CACNB2: variants seen among roughly 807,000 people sequenced by gnomAD.
The protein encoded by CACNB2 is voltage-dependent L-type calcium channel subunit beta-2.
CACNB2 carries 42 observed loss-of-function variants against 73.3 expected under a neutral mutation model. The observed-to-expected ratio is 0.57, with a 90% CI of 0.45 to 0.74. The LOEUF (loss-of-function observed/expected upper bound fraction) is 0.74, where lower values mean the gene tolerates loss of function less well. Among genes scored for constraint, CACNB2 ranks in the 30% least tolerant of loss-of-function variants. The pLI is 0.00. For missense variants in CACNB2, 940 were observed against 853.0 expected (o/e 1.10, Z -1.27); for synonymous variants, 348 against 310.3 (o/e 1.12, Z -1.28).
intron 2 of CACNB2, among the ~76,000 whole-genome samples, chr10:18,253,782 A>G (rs2037177185): frequency 6.6e-6 from 1 of 152,130 alleles, no homozygotes; most frequent in South Asian, 2.1e-4. Context: ...TCCCCATGTA[A>G]TAATGTTCTA....
At chr10:18,450,197 C>T (rs2046948635) in intron 3 of CACNB2, among the ~76,000 whole-genome samples, 1 of 152,184 alleles carries the variant, frequency 6.6e-6, no homozygotes, top group Non-Finnish European at 1.5e-5. Flanking sequence ...TGTTGTATTT[C>T]TCTTTATGTC....
intron 1 of CACNB2, among the ~76,000 whole-genome samples, chr10:18,147,359 C>T (rs2031088459): frequency 6.6e-6 from 1 of 151,882 alleles, no homozygotes; most frequent in Non-Finnish European, 1.5e-5. Context: ...TGTTTTGGAA[C>T]AACTAAAGGA....
chr10:18,519,342 C>T (rs542828453), intron 9 of CACNB2, among the ~76,000 whole-genome samples: 1 of 152,162 alleles, frequency 6.6e-6, no homozygotes, highest in Non-Finnish European at 1.5e-5. Flanking sequence ...CTCCTTAATC[C>T]TCTGATAACC....
chr10:18,222,703 G>A (rs576884128), intron 2 of CACNB2, among the ~76,000 whole-genome samples: 11 of 152,276 alleles, frequency 7.2e-5, no homozygotes, highest in South Asian at 2.1e-4. Flanking sequence ...TTGGGAGGCC[G>A]AGGTGAGTGG....
intron 10 of CACNB2, among the ~76,000 whole-genome samples, chr10:18,530,632 G>A (rs538017111): frequency 6.6e-6 from 1 of 152,042 alleles, no homozygotes; most frequent in East Asian, 1.9e-4. Context: ...AAAACAGAAT[G>A]GTTGTATGGG....
intron 8 of CACNB2, 97 bp from the exon 9 acceptor site, chr10:18,518,813 T>G (rs780031112): frequency 3.3e-4 from 376 of 1,122,488 alleles, no homozygotes; most frequent in Non-Finnish European, 4.9e-4. Flanking sequence ...GATGCAAAGC[T>G]CAGGTTTTCA....
At chr10:18,335,637 A>G (rs968363828) in intron 2 of CACNB2, among the ~76,000 whole-genome samples, 3 of 152,022 alleles carry the variant, frequency 2.0e-5, no homozygotes, top group African/African-American at 4.8e-5. Flanking sequence ...ATGAACCTCA[A>G]TTATTCTTTT....
chr10:18,501,417 C>T (rs563087637), intron 5 of CACNB2, among the ~76,000 whole-genome samples: 20 of 152,208 alleles, frequency 1.3e-4, no homozygotes, highest in Non-Finnish European at 2.9e-4. Context: ...TTCAGTTCTA[C>T]CCACTGTTAA....
intron 11 of CACNB2, 139 bp from the exon 12 acceptor site, chr10:18,535,962 C>A: frequency 1.6e-6 from 1 of 613,270 alleles, no homozygotes. Flanking sequence ...GTTAATTTTG[C>A]AGATAATCTT....
At chr10:18,456,394 C>T (rs144219604) in intron 3 of CACNB2, among the ~76,000 whole-genome samples, 45 of 152,154 alleles carry the variant, frequency 3.0e-4, no homozygotes, top group Admixed American at 9.8e-4. Context: ...ACCTGGGAGG[C>T]GAAGGGTGCA....
chr10:18,364,084 T>C (rs1184219301), intron 2 of CACNB2, among the ~76,000 whole-genome samples: 1 of 151,744 alleles, frequency 6.6e-6, no homozygotes, highest in Non-Finnish European at 1.5e-5. Flanking sequence ...GTAGTTGGGA[T>C]TACAGGCGCC....
intron 2 of CACNB2, among the ~76,000 whole-genome samples, chr10:18,213,610 C>G (rs903194078): frequency 2.6e-5 from 4 of 152,204 alleles, no homozygotes; most frequent in African/African-American, 9.7e-5. Context: ...TAGTAAAACT[C>G]TCTACTACTA....
chr10:18,469,813 T>C (rs2132740093), intron 3 of CACNB2, among the ~76,000 whole-genome samples: 1 of 152,258 alleles, frequency 6.6e-6, no homozygotes, highest in African/African-American at 2.4e-5. Context: ...AAAATAAATC[T>C]AATGGTTGAT....
At chr10:18,189,699 A>C (rs1335453449) in intron 2 of CACNB2, among the ~76,000 whole-genome samples, 5 of 152,170 alleles carry the variant, frequency 3.3e-5, no homozygotes, top group Non-Finnish European at 7.4e-5. Context: ...TTATTGCCTG[A>C]AGATATCTTT....
chr10:18,463,588 TTTTTTTG>T (rs1291509874), intron 3 of CACNB2, among the ~76,000 whole-genome samples: 2 of 83,810 alleles, frequency 2.4e-5, no homozygotes, highest in African/African-American at 6.3e-5. Context: ...CTAGTTGTTT[TTTTTTTG>T]TTGTTTTTTG....
chr10:18,272,361 T>TC (rs1015046934), intron 2 of CACNB2, among the ~76,000 whole-genome samples: 13 of 152,232 alleles, frequency 8.5e-5, no homozygotes, highest in Admixed American at 6.5e-4. Flanking sequence ...TCCCTTCCTC[T>TC]CCCCCAAGGT....
At chr10:18,232,686 T>C (rs761093263) in intron 2 of CACNB2, among the ~76,000 whole-genome samples, 3 of 152,238 alleles carry the variant, frequency 2.0e-5, no homozygotes, top group Non-Finnish European at 4.4e-5. Flanking sequence ...TCATAAAAGA[T>C]ATGAACTGTT....
chr10:18,161,492 AG>A, intron 2 of CACNB2, among the ~76,000 whole-genome samples: 1 of 152,102 alleles, frequency 6.6e-6, no homozygotes, highest in East Asian at 1.9e-4. Flanking sequence ...TCTCTGAGCC[AG>A]GGGTCTTCTT....
chr10:18,488,378 G>C (rs1457117271), intron 3 of CACNB2, among the ~76,000 whole-genome samples: 1 of 148,564 alleles, frequency 6.7e-6, no homozygotes, highest in East Asian at 2.0e-4. Flanking sequence ...GGGAGGCTGA[G>C]GCAGGAGAAT....
Sources: allele counts gnomAD v4.1 joint callset (sites outside exome capture counted in the v4.1 genomes callset), GRCh38; gene constraint gnomAD v4.1.1; transcripts MANE v1.5; gene names NCBI Gene and HGNC (gene_info 2026-07-23, HGNC 2026-07-21).